KLHL29: variants seen among roughly 807,000 people sequenced by gnomAD.
KLHL29 encodes kelch-like protein 29.
KLHL29 carries 21 observed loss-of-function variants against 80.4 expected under a neutral mutation model. The observed-to-expected ratio is 0.26, with a 90% CI of 0.19 to 0.38. The LOEUF is 0.38. Among genes scored for constraint, KLHL29 ranks in the 10% least tolerant of loss-of-function variants. The probability of loss-of-function intolerance (pLI) is 1.00; values close to 1 mark genes in which losing one functional copy is unlikely to be tolerated. For missense variants in KLHL29, 867 were observed against 1,223.9 expected, an observed-to-expected ratio of 0.71 and a Z score of 4.35; for synonymous variants, 511 against 526.8, an observed-to-expected ratio of 0.97 and a Z score of 0.41.
chr2:23,658,120 C>T (rs1472428388), intron 5 of KLHL29, among the ~76,000 whole-genome samples: 1 of 152,024 alleles, frequency 6.6e-6, no homozygotes, highest in Non-Finnish European at 1.5e-5. Flanking sequence ...CCTCCTCTTC[C>T]CATCCTTCCT....
chr2:23,572,072 C>T (rs1667729420), intron 3 of KLHL29, among the ~76,000 whole-genome samples: 1 of 152,214 alleles, frequency 6.6e-6, no homozygotes, highest in Admixed American at 6.5e-5. Flanking sequence ...TGAATGTCAA[C>T]ACCAGGACAC....
intron 2 of KLHL29, among the ~76,000 whole-genome samples, chr2:23,548,728 G>A (rs968123194): frequency 4.6e-5 from 7 of 152,214 alleles, no homozygotes; most frequent in East Asian, 1.9e-4. Context: ...GTACCTCGCC[G>A]AAGCCATTGA....
chr2:23,480,425 T>C (rs1336093118), intron 2 of KLHL29, among the ~76,000 whole-genome samples: 1 of 151,960 alleles, frequency 6.6e-6, no homozygotes, highest in Non-Finnish European at 1.5e-5. Context: ...AGGTGGAGGT[T>C]GCAGTGAGCT....
chr2:23,498,305 G>A (rs946086781), intron 2 of KLHL29, among the ~76,000 whole-genome samples: 3 of 152,218 alleles, frequency 2.0e-5, no homozygotes, highest in Non-Finnish European at 2.9e-5. Flanking sequence ...TTTCTCTGAA[G>A]TGCCAGTGTA....
chr2:23,535,538 A>G (rs73919743), intron 2 of KLHL29, among the ~76,000 whole-genome samples: 8 of 152,394 alleles, frequency 5.2e-5, no homozygotes, highest in African/African-American at 1.9e-4. Flanking sequence ...AATGTGTTGT[A>G]TACATACAAT....
Position 23,682,851 on chromosome 2 carries a change from A to G in KLHL29, c.941-1548A>G, listed in dbSNP as rs1202378786. On this transcript the variant is annotated intron_variant, in intron 5 of 13. Coordinates refer to ENST00000486442, the MANE Select transcript of KLHL29 (RefSeq NM_052920.2). This position sits in a 1 kb window ranked among gnomAD's most constrained non-coding sequence, Gnocchi z 4.1. ...CCTGGAGATGCTCTGCTGTGACTCC[A>G]GACTCAGTGTGACTTGGGGTTGGCG... is the stretch of plus-strand genomic sequence containing the variant. Among the ~76,000 whole-genome samples the G allele has an allele frequency of 1.3e-5, 2 of 151,882 alleles. No homozygotes were observed. Among genetic ancestry groups the G allele is most frequent in the African/African-American group, 4.8e-5 (2 of 41,328 alleles).
intron 3 of KLHL29, among the ~76,000 whole-genome samples, chr2:23,569,106 C>A (rs926206961): frequency 6.6e-6 from 1 of 152,228 alleles, no homozygotes; most frequent in African/African-American, 2.4e-5. Context: ...GACTGGAACA[C>A]TGCTGTCCCC....
chr2:23,554,632 C>T lies in KLHL29; in HGVS notation c.-45-7520C>T, dbSNP rs151216617. On this transcript the variant is annotated intron_variant, in intron 2 of 13. Transcript: ENST00000486442. ...CCAGAATACTGTGTGTCACCGGACA[C>T]AGATGGCCTCCATCCCGCCCATGAG... Among the ~76,000 whole-genome samples the T allele has an allele frequency of 4.6e-5, 7 of 152,350 alleles. No individual in the cohort carries two copies. In the East Asian group the frequency reaches 1.4e-3, roughly 29 times the overall value.
chr2:23,691,777 G>A lies in KLHL29; in HGVS notation c.1183G>A (p.Gly395Ser). Reference protein sequence around the residue: ...LELLLEFVYTGSLVIDSANAK... With the variant: ...LELLLEFVYTSSLVIDSANAK... ...GTTGCTGCTGGAGTTTGTCTACACG[G>A]GCTCCCTGGTCATCGACTCGGCCAA... The change falls in exon 7 of 14, where the codon GGC (glycine) becomes AGC (serine). Residue 395 changes from glycine to serine, a missense_variant. Transcript: ENST00000486442. 1.3e-6 allele frequency: 2 copies of A among 1,551,746 alleles called. No individual in the cohort carries two copies. Among genetic ancestry groups the A allele is most frequent in the South Asian group, 1.2e-5 (1 of 84,056 alleles).
At chr2:23,589,479 C>T (rs1329305230) in intron 3 of KLHL29, among the ~76,000 whole-genome samples, 1 of 152,238 alleles carries the variant, frequency 6.6e-6, no homozygotes, top group Non-Finnish European at 1.5e-5. Context: ...CCGCCACCCA[C>T]CCACCTCGGT....
At chr2:23,629,930 G>A (rs527410924) in intron 3 of KLHL29, among the ~76,000 whole-genome samples, 34 of 152,256 alleles carry the variant, frequency 2.2e-4, no homozygotes, top group African/African-American at 7.7e-4. Context: ...AGACACCAGC[G>A]AACAGCACCG....
intron 3 of KLHL29, among the ~76,000 whole-genome samples, chr2:23,591,445 C>A (rs114339989): frequency 6.6e-6 from 1 of 152,046 alleles, no homozygotes; most frequent in Admixed American, 6.5e-5. Flanking sequence ...CTTCTTCCCC[C>A]ACGTGACTCT....
At chr2:23,508,835 C>T (rs1384460795) in intron 2 of KLHL29, among the ~76,000 whole-genome samples, 1 of 152,204 alleles carries the variant, frequency 6.6e-6, no homozygotes, top group Middle Eastern at 3.2e-3. Context: ...ACATAAAGCA[C>T]AGCCTAGCAC....
chr2:23,405,888 G>A (rs1373920254), intron 1 of KLHL29, among the ~76,000 whole-genome samples: 1 of 152,176 alleles, frequency 6.6e-6, no homozygotes, highest in Non-Finnish European at 1.5e-5. Flanking sequence ...CTTAAAGGAT[G>A]GGTAGGTGTA....
At chr2:23,385,940 C>A (rs1480012539) in intron 1 of KLHL29, among the ~76,000 whole-genome samples, 160 bp downstream of exon 1, 1 of 152,004 alleles carries the variant, frequency 6.6e-6, no homozygotes, top group African/African-American at 2.4e-5. Context: ...CAGGAGCCTC[C>A]CGCGTCTGGA....
chr2:23,667,966 GGAA>G (rs1416954922), intron 5 of KLHL29: 1 of 152,274 alleles, frequency 6.6e-6, no homozygotes, highest in South Asian at 2.1e-4. Flanking sequence ...CGCTGCCGAG[GGAA>G]GAAGAACACT....
At chr2:23,583,656 T>A (rs765227294) in intron 3 of KLHL29, among the ~76,000 whole-genome samples, 2 of 152,124 alleles carry the variant, frequency 1.3e-5, no homozygotes, top group African/African-American at 2.4e-5. Flanking sequence ...TGGCCTCCAT[T>A]TAAAGGGAGC....
chr2:23,604,698 T>C (rs1256562223), intron 3 of KLHL29, among the ~76,000 whole-genome samples: 1 of 152,178 alleles, frequency 6.6e-6, no homozygotes, highest in Non-Finnish European at 1.5e-5. Flanking sequence ...TAGACCATCA[T>C]AGATCTGAGC....
In KLHL29 at chr2:23,695,906, C is replaced by A; in HGVS notation, c.1742-45C>A. 1 of 1,539,584 alleles carries A rather than the reference C, an allele frequency of 6.5e-7. No homozygotes were observed. Among genetic ancestry groups the A allele is most frequent in the Non-Finnish European group, 8.8e-7 (1 of 1,141,026 alleles). ...GTGAGGTGCCAGGCACAGATGCCGA[C>A]AGTCTTAGAGTGTGTCCCAAGGGCG... On this transcript the variant is annotated intron_variant, in intron 9 of 13. Transcript: ENST00000486442. This position sits in a 1 kb window ranked among gnomAD's most constrained non-coding sequence, Gnocchi z 7.6.
Sources: allele counts gnomAD v4.1 joint callset (sites outside exome capture counted in the v4.1 genomes callset), GRCh38; gene constraint gnomAD v4.1.1; non-coding constraint Gnocchi (gnomAD v3.1); transcripts MANE v1.5; gene names NCBI Gene and HGNC (gene_info 2026-07-23, HGNC 2026-07-21).